The following VPS41 variants were observed in gnomAD, a reference collection of about 807,000 sequenced individuals.
VPS41 encodes the protein VPS41 subunit of HOPS complex.
VPS41 carries 85 observed loss-of-function variants against 130.9 expected under a neutral mutation model. That is an observed-to-expected ratio of 0.65 (90% confidence interval 0.55 to 0.78). VPS41 has a LOEUF of 0.78. VPS41 is among the 30% of genes least tolerant of loss of function. The probability of loss-of-function intolerance (pLI) is 0.00; values close to 1 mark genes in which losing one functional copy is unlikely to be tolerated. For missense variants in VPS41, 874 were observed against 1,018.7 expected, an observed-to-expected ratio of 0.86 and a Z score of 1.93; for synonymous variants, 335 against 332.9, an observed-to-expected ratio of 1.01 and a Z score of -0.07.
At chr7:38,753,415 G>A (rs566234701) in intron 21 of VPS41, among the ~76,000 whole-genome samples, 1 of 152,168 alleles carries the variant, frequency 6.6e-6, no homozygotes, top group East Asian at 1.9e-4. Flanking sequence ...CTGAACTCAT[G>A]TGCCAGGCAG....
intron 7 of VPS41, among the ~76,000 whole-genome samples, chr7:38,807,795 T>A (rs1784869448): frequency 6.6e-6 from 1 of 152,254 alleles, no homozygotes. Flanking sequence ...AGAGAACCTC[T>A]GTGTTAATGA....
At chr7:38,814,956 G>A (rs770966697) in intron 7 of VPS41, among the ~76,000 whole-genome samples, 11 of 152,088 alleles carry the variant, frequency 7.2e-5, no homozygotes, top group Non-Finnish European at 1.2e-4. Context: ...TTCCAGCCCC[G>A]GTCAAGCAGC....
intron 2 of VPS41, among the ~76,000 whole-genome samples, chr7:38,887,679 C>T (rs1397562601): frequency 6.6e-6 from 1 of 152,016 alleles, no homozygotes; most frequent in Non-Finnish European, 1.5e-5. Flanking sequence ...ATACAGAGAA[C>T]ACCACAAAGA....
In VPS41 at chr7:38,903,696, G is replaced by T. The variant is rs1787193232; in HGVS notation, c.21+5458C>A. On this transcript the variant is annotated intron_variant, in intron 1 of 28. Coordinates refer to ENST00000310301, the MANE Select transcript of VPS41 (RefSeq NM_014396.4). ...TAGGCACTGTCTGATATAGGCACAG[G>T]AAGGAGGAAATATTTTGTGTGGTAT... 5.9e-5 allele frequency among the ~76,000 whole-genome samples: 9 copies of T among 152,160 alleles called. No individual in the cohort carries two copies. The South Asian group carries it at 1.9e-3, about 32-fold the overall frequency.
intron 4 of VPS41, among the ~76,000 whole-genome samples, chr7:38,860,554 G>A (rs911338001): frequency 6.6e-6 from 1 of 152,008 alleles, no homozygotes; most frequent in Non-Finnish European, 1.5e-5. Flanking sequence ...GGCTTCTTTG[G>A]CTCAACATTA....
chr7:38,728,859 G>A, intron 25 of VPS41, 68 bp from the exon 26 acceptor site: 1 of 1,376,888 alleles, frequency 7.3e-7, no homozygotes, highest in Non-Finnish European at 1.0e-6. Flanking sequence ...AAGGGACACT[G>A]TACTGGGGAT....
At chr7:38,744,321 CCT>C (rs1015250065) in intron 23 of VPS41, among the ~76,000 whole-genome samples, 13 of 152,184 alleles carry the variant, frequency 8.5e-5, no homozygotes, top group African/African-American at 2.7e-4. Flanking sequence ...CACCCTTACC[CCT>C]GTCTCTGGGC....
chr7:38,747,599 A>T (rs1796012056), intron 22 of VPS41, among the ~76,000 whole-genome samples: 1 of 152,238 alleles, frequency 6.6e-6, no homozygotes, highest in South Asian at 2.1e-4. Context: ...GCTTAAGAAC[A>T]TGCTAGTCTC....
intron 2 of VPS41, among the ~76,000 whole-genome samples, chr7:38,887,019 A>G (rs1786746885): frequency 6.6e-6 from 1 of 152,222 alleles, no homozygotes; most frequent in South Asian, 2.1e-4. Context: ...AATCCCATAC[A>G]TAGGTCACCA....
intron 4 of VPS41, among the ~76,000 whole-genome samples, chr7:38,832,015 T>TC (rs1785395874): frequency 6.6e-6 from 1 of 152,172 alleles, no homozygotes; most frequent in Non-Finnish European, 1.5e-5. Context: ...CACTTTTTTT[T>TC]CTGCCAACAA....
At chr7:38,772,441 G>C (rs1014014735) in intron 13 of VPS41, 81 bp downstream of exon 13, 4 of 983,466 alleles carry the variant, frequency 4.1e-6, no homozygotes, top group South Asian at 1.9e-5. Flanking sequence ...CTACATAAAA[G>C]ATTTATTACA....
At chr7:38,785,490 T>C (rs916578255) in intron 10 of VPS41, among the ~76,000 whole-genome samples, 3 of 152,230 alleles carry the variant, frequency 2.0e-5, no homozygotes, top group Admixed American at 1.3e-4. Flanking sequence ...CAGCAAACTA[T>C]TGTCAATTAA....
At chr7:38,757,223 T>G (rs1783813494) in intron 18 of VPS41, among the ~76,000 whole-genome samples, 1 of 152,216 alleles carries the variant, frequency 6.6e-6, no homozygotes, top group Non-Finnish European at 1.5e-5. Context: ...AATATTCAAG[T>G]AATAAAAATG....
intron 20 of VPS41, 42 bp downstream of exon 20, chr7:38,754,853 G>C: frequency 1.2e-6 from 2 of 1,601,236 alleles, no homozygotes; most frequent in South Asian, 2.2e-5. Context: ...AGGAGTCCCA[G>C]ACGTTCATCT....
At chr7:38,856,034 G>T (rs763946048) in intron 4 of VPS41, among the ~76,000 whole-genome samples, 1 of 152,104 alleles carries the variant, frequency 6.6e-6, no homozygotes, top group Non-Finnish European at 1.5e-5. Flanking sequence ...CAGCCTTCCC[G>T]CTGTGTCCTT....
At chr7:38,859,312 A>G (rs1367899799) in intron 4 of VPS41, among the ~76,000 whole-genome samples, 1 of 152,152 alleles carries the variant, frequency 6.6e-6, no homozygotes, top group Admixed American at 6.5e-5. Context: ...GTTTAAATAA[A>G]TTGAGTTTAG....
chr7:38,763,594 C>T (rs750353982), intron 16 of VPS41, 47 bp from the exon 17 acceptor site: 4 of 1,207,776 alleles, frequency 3.3e-6, no homozygotes, highest in South Asian at 1.4e-5. Flanking sequence ...TATGAAAAAA[C>T]AAAACTGCAT....
At chr7:38,757,177 T>C (rs991401263) in intron 18 of VPS41, among the ~76,000 whole-genome samples, 195 bp from the exon 19 acceptor site, 1 of 152,202 alleles carries the variant, frequency 6.6e-6, no homozygotes, top group African/African-American at 2.4e-5. Flanking sequence ...TCTCAGAACT[T>C]TGCCTCTCAT....
intron 1 of VPS41, among the ~76,000 whole-genome samples, chr7:38,907,038 T>C (rs1245208172): frequency 6.6e-6 from 1 of 151,906 alleles, no homozygotes; most frequent in Non-Finnish European, 1.5e-5. Flanking sequence ...TGTCAGGATG[T>C]TCCAAGCTCT....
Sources: allele counts gnomAD v4.1 joint callset (sites outside exome capture counted in the v4.1 genomes callset), GRCh38; gene constraint gnomAD v4.1.1; transcripts MANE v1.5; gene names NCBI Gene and HGNC (gene_info 2026-07-23, HGNC 2026-07-21).